Variants in DIAPH2 observed in about 807,000 individuals in gnomAD.
The protein encoded by DIAPH2 is protein diaphanous homolog 2.
Under a neutral mutation model 92.7 loss-of-function variants are expected in DIAPH2, and 35 were observed. The ratio of observed to expected loss-of-function variants is 0.38; its 90% CI spans 0.29 to 0.50. DIAPH2 has a LOEUF of 0.50. Among genes scored for constraint, DIAPH2 ranks in the 20% least tolerant of loss-of-function variants. DIAPH2 has a pLI of 0.94. For missense variants in DIAPH2, 701 were observed against 819.5 expected (o/e 0.86, Z 1.77); for synonymous variants, 301 against 280.4 (o/e 1.07, Z -0.73).
intron 19 of DIAPH2, among the ~76,000 whole-genome samples, chrX:97,094,001 AG>A (rs1189769972): frequency 8.9e-6 from 1 of 112,086 alleles, no homozygotes; most frequent in African/African-American, 3.2e-5. Context: ...TGTGACTGAA[AG>A]GTAATTGCCA....
At chrX:97,374,701 C>T (rs1265335986) in intron 24 of DIAPH2, among the ~76,000 whole-genome samples, 1 of 111,912 alleles carries the variant, frequency 8.9e-6, no homozygotes, top group African/African-American at 3.2e-5. Flanking sequence ...ATCCAATATG[C>T]CCTTTAAACA....
chrX:96,695,520 G>C (rs1169682472), intron 1 of DIAPH2, among the ~76,000 whole-genome samples: 1 of 111,662 alleles, frequency 9.0e-6, no homozygotes, highest in South Asian at 3.7e-4. Context: ...CAAAATACTA[G>C]ATTTTAAATG....
chrX:97,493,606 G>A (rs954749404), intron 26 of DIAPH2, among the ~76,000 whole-genome samples: 1 of 110,957 alleles, frequency 9.0e-6, no homozygotes, highest in African/African-American at 3.3e-5. Flanking sequence ...AGGGCCAGAT[G>A]TGGTGGCTCA....
chrX:97,082,988 C>G (rs954017376), intron 19 of DIAPH2, among the ~76,000 whole-genome samples: 1 of 112,167 alleles, frequency 8.9e-6, no homozygotes, highest in African/African-American at 3.2e-5. Flanking sequence ...AAATTATACA[C>G]TTTTGTAATT....
At chrX:97,492,079 A>G (rs2070729121) in intron 26 of DIAPH2, among the ~76,000 whole-genome samples, 1 of 111,999 alleles carries the variant, frequency 8.9e-6, no homozygotes, top group African/African-American at 3.2e-5. Flanking sequence ...TTGTGTAGTT[A>G]TAATCTTAAT....
chrX:97,163,387 G>T (rs1378976128), intron 22 of DIAPH2, among the ~76,000 whole-genome samples: 9 of 110,715 alleles, frequency 8.1e-5, no homozygotes, highest in Non-Finnish European at 1.5e-4. Context: ...CTGGGGTTTT[G>T]CCATCTTGCC....
intron 25 of DIAPH2, among the ~76,000 whole-genome samples, chrX:97,397,396 C>T (rs1159321562): frequency 9.0e-6 from 1 of 111,665 alleles, no homozygotes; most frequent in African/African-American, 3.2e-5. Context: ...CTAGATATTT[C>T]AGAGCTCCTG....
At chrX:96,773,768 G>A (rs114244154) in intron 4 of DIAPH2, among the ~76,000 whole-genome samples, 2,822 of 111,095 alleles carry the variant, frequency 0.025, 82 homozygotes, top group African/African-American at 0.088. Flanking sequence ...GAGAATCACT[G>A]GAACCAAGGC....
At chrX:97,068,380 T>C (rs1041928332) in intron 17 of DIAPH2, among the ~76,000 whole-genome samples, 5 of 111,922 alleles carry the variant, frequency 4.5e-5, no homozygotes, top group Non-Finnish European at 9.4e-5. Context: ...TTACCAGTAG[T>C]AAAACTACTA....
chrX:97,260,077 G>A (rs910869055), intron 23 of DIAPH2, among the ~76,000 whole-genome samples: 2 of 112,466 alleles, frequency 1.8e-5, no homozygotes, highest in East Asian at 2.8e-4. Flanking sequence ...TGATCCACCC[G>A]CCTTGGCCTC....
intron 1 of DIAPH2, among the ~76,000 whole-genome samples, chrX:96,733,264 G>A (rs1244072067): frequency 8.9e-6 from 1 of 112,041 alleles, no homozygotes; most frequent in African/African-American, 3.2e-5. Context: ...GGAGTGCCAG[G>A]AATATGTGGA....
chrX:97,562,341 C>CA (rs760285716), intron 26 of DIAPH2, among the ~76,000 whole-genome samples: 3,004 of 86,631 alleles, frequency 0.035, 87 homozygotes, highest in African/African-American at 0.097. Flanking sequence ...ACTAAAAATA[C>CA]AAAAAAAAAA....
chrX:97,048,823 A>G (rs1038675273), intron 17 of DIAPH2, among the ~76,000 whole-genome samples: 2 of 111,151 alleles, frequency 1.8e-5, no homozygotes, highest in Admixed American at 9.6e-5. Context: ...CGTTACTGCA[A>G]TGCATTACTT....
intron 26 of DIAPH2, among the ~76,000 whole-genome samples, chrX:97,432,457 G>C (rs1232693206): frequency 1.8e-5 from 2 of 108,978 alleles, no homozygotes. Context: ...ACCATGCCCA[G>C]CTAATTGTTG....
chrX:97,329,705 T>C (rs1484323254), intron 23 of DIAPH2, among the ~76,000 whole-genome samples: 1 of 111,033 alleles, frequency 9.0e-6, no homozygotes, highest in Non-Finnish European at 1.9e-5. Context: ...CCACTTATGG[T>C]TGGCTCAATC....
intron 26 of DIAPH2, among the ~76,000 whole-genome samples, chrX:97,460,777 G>A (rs1223025039): frequency 4.5e-5 from 5 of 111,682 alleles, no homozygotes; most frequent in Non-Finnish European, 7.5e-5. Context: ...GGAGGGGATA[G>A]CTCAGCAGCC....
intron 17 of DIAPH2, among the ~76,000 whole-genome samples, chrX:97,012,628 G>C (rs142600591): frequency 0.011 from 1,203 of 111,963 alleles, 13 homozygotes; most frequent in African/African-American, 0.037. Context: ...AATCCAAACT[G>C]ACTAAATTGT....
At chrX:97,004,911 A>G (rs1303534647) in intron 17 of DIAPH2, among the ~76,000 whole-genome samples, 8 of 111,339 alleles carry the variant, frequency 7.2e-5, no homozygotes, top group African/African-American at 2.6e-4. Flanking sequence ...GTTTTTCCCC[A>G]TTTTCAGTAT....
chrX:97,027,058 C>A (rs1298763254), intron 17 of DIAPH2, among the ~76,000 whole-genome samples: 1 of 111,919 alleles, frequency 8.9e-6, no homozygotes, highest in Non-Finnish European at 1.9e-5. Context: ...AATATGAAAA[C>A]CTGTTGATAC....
Sources: gnomAD v4.1 joint callset for allele counts (sites outside exome capture counted in the v4.1 genomes callset) on GRCh38, gnomAD v4.1.1 for gene constraint, MANE v1.5 for transcripts, NCBI Gene and HGNC (gene_info 2026-07-23, HGNC 2026-07-21) for gene names.